Variants in DAB1 observed in about 807,000 individuals in gnomAD.
The protein encoded by DAB1 is DAB adaptor protein 1.
Under a neutral mutation model 64.6 loss-of-function variants are expected in DAB1, and 15 were observed. The observed-to-expected ratio is 0.23, with a 90% confidence interval of 0.16 to 0.36. DAB1 has a LOEUF of 0.36. DAB1 is among the 10% of genes least tolerant of loss of function. The pLI is 1.00. For missense variants in DAB1, 596 were observed against 706.7 expected (o/e 0.84, Z 1.78); for synonymous variants, 235 against 251.9 (o/e 0.93, Z 0.64).
intron 4 of DAB1, among the ~76,000 whole-genome samples, chr1:57,109,441 G>A (rs950585846): frequency 1.3e-5 from 2 of 152,100 alleles, no homozygotes; most frequent in Non-Finnish European, 2.9e-5. Context: ...AACAAACATG[G>A]CTCTCTTCCA....
rs1644717666 is a variant in DAB1 at position 57,915,774 on chromosome 1, C to A, written n.388-31612G>T. Among the ~76,000 whole-genome samples, 3 of 152,284 alleles carry A rather than the reference C, an allele frequency of 2.0e-5. No homozygotes were observed. The South Asian group carries it at 6.2e-4, about 32-fold the overall frequency. Reference sequence around the variant, plus strand: ...ACAGCCCATCAGCTCGGAGCCCCTTCAGTCCAATTCCCAATAGACTGTGCA... The same window carrying A: ...ACAGCCCATCAGCTCGGAGCCCCTTAAGTCCAATTCCCAATAGACTGTGCA... On this transcript the variant is annotated intron_variant and non_coding_transcript_variant, in intron 5 of 20. Coordinates refer to the DAB1 transcript ENST00000485760.
At chr1:57,984,313 G>A (rs892312763) in intron 5 of DAB1, among the ~76,000 whole-genome samples, 5 of 150,972 alleles carry the variant, frequency 3.3e-5, no homozygotes, top group Non-Finnish European at 7.4e-5. Flanking sequence ...TGGATCTCTA[G>A]GGTGGTCTTG....
At chr1:58,487,185 A>G (rs577048325) in intron 3 of DAB1, among the ~76,000 whole-genome samples, 28 of 152,226 alleles carry the variant, frequency 1.8e-4, no homozygotes, top group Non-Finnish European at 3.1e-4. Context: ...GCAGTGGCGA[A>G]GTTGAGAAGC....
intron 7 of DAB1, among the ~76,000 whole-genome samples, chr1:57,496,782 T>C (rs1644235557): frequency 6.6e-6 from 1 of 152,228 alleles, no homozygotes; most frequent in African/African-American, 2.4e-5. Flanking sequence ...CATGATTTGC[T>C]TTCAGCACCA....
chr1:57,144,106 T>G (rs1018144693), intron 3 of DAB1, among the ~76,000 whole-genome samples: 2 of 151,876 alleles, frequency 1.3e-5, no homozygotes, highest in African/African-American at 4.8e-5. Flanking sequence ...ACAAAAATAT[T>G]GACACTGATT....
intron 5 of DAB1, among the ~76,000 whole-genome samples, chr1:57,893,123 C>A (rs1644342006): frequency 6.6e-6 from 1 of 151,896 alleles, no homozygotes; most frequent in Non-Finnish European, 1.5e-5. Flanking sequence ...AAGGTAAACA[C>A]CCTGCTTTAT....
chr1:58,328,452 G>T (rs1197116450), intron 4 of DAB1, among the ~76,000 whole-genome samples: 2 of 152,140 alleles, frequency 1.3e-5, no homozygotes, highest in Non-Finnish European at 2.9e-5. Flanking sequence ...TGCTTGATCT[G>T]CATGGCTGCA....
intron 1 of DAB1, among the ~76,000 whole-genome samples, chr1:57,314,681 G>C (rs1199058940): frequency 6.6e-6 from 1 of 152,032 alleles, no homozygotes; most frequent in Non-Finnish European, 1.5e-5. Flanking sequence ...TACTTGGGAA[G>C]TTGAGGCAGA....
At chr1:57,060,170 A>ATTT (rs1553135444) in intron 9 of DAB1, among the ~76,000 whole-genome samples, 1 of 150,466 alleles carries the variant, frequency 6.6e-6, no homozygotes, top group Admixed American at 6.6e-5. Flanking sequence ...ATTTTATTTG[A>ATTT]GACGGAGTTT....
At chr1:57,014,839 T>C in intron 12 of DAB1, 44 bp downstream of exon 12, 1 of 1,488,730 alleles carries the variant, frequency 6.7e-7, no homozygotes, top group South Asian at 1.4e-5. Flanking sequence ...AGACATGAGT[T>C]ACGGCTCTCA....
chr1:58,019,231 T>G (rs992975603), intron 5 of DAB1, among the ~76,000 whole-genome samples: 3 of 152,218 alleles, frequency 2.0e-5, no homozygotes, highest in African/African-American at 7.2e-5. Flanking sequence ...ATTTTATTTA[T>G]TTTTAAATTA....
intron 4 of DAB1, among the ~76,000 whole-genome samples, chr1:57,127,376 A>C (rs1657216236): frequency 6.6e-6 from 1 of 152,192 alleles, no homozygotes; most frequent in Non-Finnish European, 1.5e-5. Context: ...AGAGCACGTT[A>C]ATATTTGTGA....
At chr1:57,046,702 C>T (rs923878033) in intron 9 of DAB1, among the ~76,000 whole-genome samples, 1 of 152,116 alleles carries the variant, frequency 6.6e-6, no homozygotes, top group African/African-American at 2.4e-5. Context: ...TAACAGATAC[C>T]CCTGAATCAC....
At chr1:57,735,507 A>G (rs1289560980) in intron 6 of DAB1, among the ~76,000 whole-genome samples, 3 of 152,050 alleles carry the variant, frequency 2.0e-5, no homozygotes, top group Non-Finnish European at 4.4e-5. Context: ...ACCAAGCAAG[A>G]TAAAATGCCT....
chr1:57,292,653 A>G (rs1348668091), intron 1 of DAB1, among the ~76,000 whole-genome samples: 1 of 152,186 alleles, frequency 6.6e-6, no homozygotes, highest in Non-Finnish European at 1.5e-5. Flanking sequence ...TTACCATTTC[A>G]TTGCAGCAAA....
intron 2 of DAB1, among the ~76,000 whole-genome samples, chr1:57,263,179 A>G (rs566533628): frequency 8.6e-5 from 13 of 151,810 alleles, no homozygotes; most frequent in African/African-American, 1.9e-4. Flanking sequence ...GCAATGGCAC[A>G]ATCTCGGCTC....
chr1:57,715,276 C>G (rs1647071509), intron 6 of DAB1, among the ~76,000 whole-genome samples: 1 of 152,102 alleles, frequency 6.6e-6, no homozygotes. Context: ...AAGAAATATA[C>G]CTTAACACAA....
intron 5 of DAB1, among the ~76,000 whole-genome samples, chr1:58,001,974 G>A (rs930685869): frequency 2.0e-4 from 30 of 152,108 alleles, no homozygotes; most frequent in African/African-American, 7.0e-4. Context: ...GTAACGATGT[G>A]GTCACAAGCC....
At chr1:58,078,672 C>A (rs973474273) in intron 5 of DAB1, among the ~76,000 whole-genome samples, 5 of 152,072 alleles carry the variant, frequency 3.3e-5, no homozygotes, top group African/African-American at 1.2e-4. Flanking sequence ...CAGACATATG[C>A]TTGAGGTTTC....
Sources: allele counts gnomAD v4.1 joint callset (sites outside exome capture counted in the v4.1 genomes callset), GRCh38; gene constraint gnomAD v4.1.1; transcripts MANE v1.5; gene names NCBI Gene and HGNC (gene_info 2026-07-23, HGNC 2026-07-21).